The following IKZF3 variants were observed in gnomAD, a reference collection of about 807,000 sequenced individuals.
IKZF3 encodes zinc finger protein Aiolos.
A neutral mutation model predicts 49.0 loss-of-function variants in IKZF3; 10 were observed. The observed-to-expected ratio is 0.20, with a 90% confidence interval of 0.13 to 0.35. The LOEUF is 0.35. IKZF3 is among the 10% of genes least tolerant of loss of function. The pLI is 1.00. For synonymous variants in IKZF3, 209 were observed against 228.2 expected, an observed-to-expected ratio of 0.92 and a Z score of 0.76; for missense variants, 498 against 664.8, an observed-to-expected ratio of 0.75 and a Z score of 2.76.
chr17:39,853,117 T>C (rs1402411691), intron 1 of IKZF3, among the ~76,000 whole-genome samples: 1 of 152,234 alleles, frequency 6.6e-6, no homozygotes, highest in African/African-American at 2.4e-5. Context: ...ATTTCCTTCA[T>C]AGCACTTAGC....
At chr17:39,845,441 T>C (rs886579793) in intron 1 of IKZF3, among the ~76,000 whole-genome samples, 1 of 151,798 alleles carries the variant, frequency 6.6e-6, no homozygotes, top group East Asian at 1.9e-4. Flanking sequence ...GGAGAATCAC[T>C]TGAACCTGGG....
Position 39,844,699 on chromosome 17 carries a change from G to A in IKZF3, c.8-12548C>T, listed in dbSNP as rs545579166. Among the ~76,000 whole-genome samples, 5 of 151,636 alleles carry A rather than the reference G, an allele frequency of 3.3e-5. No homozygotes were observed. In the South Asian group the frequency reaches 1.0e-3, roughly 32 times the overall value. On this transcript the variant is annotated intron_variant, in intron 1 of 7. Coordinates refer to ENST00000346872, the MANE Select transcript of IKZF3 (RefSeq NM_012481.5). ...GTGCAATGGTGCGATCTCGGTTCAC[G>A]GCAACCTCCGCCTGCCCAGTTCAAG...
chr17:39,855,300 A>T (rs1285276458), intron 1 of IKZF3, among the ~76,000 whole-genome samples: 2 of 152,194 alleles, frequency 1.3e-5, no homozygotes, highest in Non-Finnish European at 2.9e-5. Context: ...GAAATGTGAG[A>T]CTAACAGTGA....
Position 39,840,416 on chromosome 17 carries a change from G to A in IKZF3, c.8-8265C>T, listed in dbSNP as rs541227163. On this transcript the variant is annotated intron_variant, in intron 1 of 7. Coordinates refer to ENST00000346872, the MANE Select transcript of IKZF3 (RefSeq NM_012481.5). ...TTGGTCATTTTTCCAGTGCTTTCAGGTGATAATTTTTTTAATATTTTGTCC... is the reference window on the plus strand; with the variant it reads ...TTGGTCATTTTTCCAGTGCTTTCAGATGATAATTTTTTTAATATTTTGTCC... Among the ~76,000 whole-genome samples the A allele has an allele frequency of 9.9e-5, 15 of 152,224 alleles. No homozygotes were observed. In the South Asian group the frequency reaches 1.2e-3, roughly 13 times the overall value.
intron 1 of IKZF3, among the ~76,000 whole-genome samples, chr17:39,850,959 T>C (rs925453066): frequency 7.1e-6 from 1 of 141,554 alleles, no homozygotes; most frequent in Non-Finnish European, 1.5e-5. Context: ...TATACACGTA[T>C]ATTATATACG....
chr17:39,860,424 G>A (rs2063184737), intron 1 of IKZF3, among the ~76,000 whole-genome samples: 1 of 152,088 alleles, frequency 6.6e-6, no homozygotes, highest in African/African-American at 2.4e-5. Flanking sequence ...ATATCTTACT[G>A]ACTGAGAAAA....
rs2060131567 is a variant in IKZF3, at chr17:39,759,455, C to T, written c.*6335G>A. On this transcript the variant is annotated 3_prime_UTR_variant, in exon 8 of 8. Transcript: ENST00000346872. ...AAAAAAAAAAAGAGGAAACTTGTATCCAATTTATTCAAACTGCAAAACCCT... is the reference window on the plus strand; with the variant it reads ...AAAAAAAAAAAGAGGAAACTTGTATTCAATTTATTCAAACTGCAAAACCCT... The T allele has an allele frequency of 1.3e-5, 2 of 152,046 alleles. No homozygotes were observed. The highest frequency in any genetic ancestry group is 4.1e-4 in the South Asian group (2 of 4,820). The allele number at this position is 152,046 out of a possible 1,614,324, so 9.4% of individuals were successfully genotyped here. A position where few individuals can be genotyped will look rare whatever the true frequency, so the allele number is the denominator to read the frequency against.
chr17:39,860,397 T>C lies in IKZF3; in HGVS notation c.7+3723A>G, dbSNP rs190301117. 2.2e-4 allele frequency among the ~76,000 whole-genome samples: 33 copies of C among 152,376 alleles called. No homozygotes were observed. In the South Asian group the frequency reaches 5.2e-3, roughly 24 times the overall value. Reference sequence around the variant, plus strand: ...AAGTATCACTTGAAAGCGTATGCTATTTTTATGGCATCATCTATATCTTAC... The same window carrying C: ...AAGTATCACTTGAAAGCGTATGCTACTTTTATGGCATCATCTATATCTTAC... On this transcript the variant is annotated intron_variant, in intron 1 of 7. Coordinates refer to ENST00000346872, the MANE Select transcript of IKZF3 (RefSeq NM_012481.5).
intron 6 of IKZF3, chr17:39,778,066 AAGAT>A (rs2060635405): frequency 9.6e-7 from 1 of 1,045,032 alleles, no homozygotes; most frequent in South Asian, 4.1e-5. Context: ...TGGTTGCAAA[AAGAT>A]AGATAGATGG....
Position 39,765,706 on chromosome 17 carries a change from G to A in IKZF3, c.*84C>T, listed in dbSNP as rs2060271277. ...TGAAAAGAAGTTTGGAACTGAGTAT[G>A]TTTTGAGAGCAATCTGTTAGGCGAG... On this transcript the variant is annotated 3_prime_UTR_variant, in exon 8 of 8. Transcript: ENST00000346872. 4.7e-6 allele frequency: 5 copies of A among 1,064,090 alleles called. No homozygotes were observed. The highest frequency in any genetic ancestry group is 5.5e-6 in the Non-Finnish European group (4 of 722,768). 65.9% of individuals were successfully genotyped at this position (1,064,090 alleles called of 1,614,324 possible).
intron 3 of IKZF3, among the ~76,000 whole-genome samples, chr17:39,826,070 T>G (rs948561229): frequency 6.6e-6 from 1 of 152,078 alleles, no homozygotes; most frequent in Non-Finnish European, 1.5e-5. Context: ...TGAGACAGGG[T>G]CTCATTCTAT....
chr17:39,835,790 A>G (rs2144345822), intron 1 of IKZF3: 1 of 510,368 alleles, frequency 2.0e-6, no homozygotes, highest in South Asian at 1.6e-5. Flanking sequence ...GCTCCACCCT[A>G]TTCATGTATG....
rs1246830877 is a variant in IKZF3, at chr17:39,766,502, AG to A, written c.827-10del. On this transcript the variant is annotated splice_polypyrimidine_tract_variant and intron_variant, in intron 7 of 7. Coordinates refer to ENST00000346872, the MANE Select transcript of IKZF3 (RefSeq NM_012481.5). ...GCAGTGGCGCTTCTCACCTGGAACAAGTGACAGAAAGGGTTACAAAGGGAAC... is the reference window on the plus strand; with the variant it reads ...GCAGTGGCGCTTCTCACCTGGAACAATGACAGAAAGGGTTACAAAGGGAAC... The A allele has an allele frequency of 1.3e-6, 2 of 1,593,700 alleles. No individual in the cohort carries two copies. Among genetic ancestry groups the A allele is most frequent in the Non-Finnish European group, 1.7e-6 (2 of 1,168,894 alleles).
At chr17:39,847,152 G>A (rs1184384780) in intron 1 of IKZF3, among the ~76,000 whole-genome samples, 1 of 152,170 alleles carries the variant, frequency 6.6e-6, no homozygotes, top group African/African-American at 2.4e-5. Flanking sequence ...ACCTGGGACT[G>A]TAAATGTGGC....
chr17:39,864,300 G>T lies in IKZF3; in HGVS notation c.-174C>A. 1.5e-6 allele frequency: 1 copy of T among 646,288 alleles called. No individual in the cohort carries two copies. 40.0% of individuals were successfully genotyped at this position (646,288 alleles called of 1,614,324 possible). ...AAAGGGCAGGAGCCGGCGACCTGCC[G>T]GTGCGCGGGGTTACAGCGGCGCTGG... is the stretch of plus-strand genomic sequence containing the variant. On this transcript the variant is annotated 5_prime_UTR_variant, in exon 1 of 8. Transcript: ENST00000346872.
chr17:39,769,834 C>T (rs2060392183), intron 7 of IKZF3, among the ~76,000 whole-genome samples: 1 of 152,182 alleles, frequency 6.6e-6, no homozygotes, highest in African/African-American at 2.4e-5. Flanking sequence ...CTTTACTTAA[C>T]AAGGCCTACA....
intron 3 of IKZF3, among the ~76,000 whole-genome samples, chr17:39,797,473 A>G (rs1358398520): frequency 6.7e-6 from 1 of 148,938 alleles, no homozygotes; most frequent in East Asian, 2.0e-4. Flanking sequence ...CCCAGGCTAG[A>G]GTACAGTGGT....
At chr17:39,771,634 T>A (rs1291997674) in intron 7 of IKZF3, among the ~76,000 whole-genome samples, 1 of 152,160 alleles carries the variant, frequency 6.6e-6, no homozygotes. Flanking sequence ...GTGGAGACAG[T>A]CATATCTATA....
At chr17:39,799,873 T>C (rs2061274418) in intron 3 of IKZF3, among the ~76,000 whole-genome samples, 1 of 152,246 alleles carries the variant, frequency 6.6e-6, no homozygotes, top group African/African-American at 2.4e-5. Context: ...CATACATCCG[T>C]CTTATTCTGC....
Sources: allele counts gnomAD v4.1 joint callset (sites outside exome capture counted in the v4.1 genomes callset), GRCh38; gene constraint gnomAD v4.1.1; transcripts MANE v1.5; gene names NCBI Gene and HGNC (gene_info 2026-07-23, HGNC 2026-07-21).